Variants in RAPGEF4 observed in about 807,000 individuals in gnomAD.
RAPGEF4 encodes the protein RAP guanine-nucleotide-exchange factor (GEF) 4.
A neutral mutation model predicts 147.9 loss-of-function variants in RAPGEF4; 66 were observed. The observed-to-expected ratio is 0.45, with a 90% CI of 0.37 to 0.55. The LOEUF is 0.55. Ranked by LOEUF, RAPGEF4 falls within the 20% of genes least tolerant of loss-of-function variation. The probability of loss-of-function intolerance (pLI) is 0.00; values close to 1 mark genes in which losing one functional copy is unlikely to be tolerated. For synonymous variants in RAPGEF4, 419 were observed against 442.7 expected, an observed-to-expected ratio of 0.95 and a Z score of 0.67; for missense variants, 1,071 against 1,257.3, an observed-to-expected ratio of 0.85 and a Z score of 2.24.
chr2:172,918,499 G>T (rs960934815), intron 5 of RAPGEF4, among the ~76,000 whole-genome samples: 16 of 151,522 alleles, frequency 1.1e-4, no homozygotes, highest in African/African-American at 3.4e-4. Flanking sequence ...ACAATGTGTT[G>T]TACATATTAA....
intron 6 of RAPGEF4, among the ~76,000 whole-genome samples, chr2:172,942,439 G>A (rs1320201930): frequency 6.6e-6 from 1 of 151,608 alleles, no homozygotes; most frequent in African/African-American, 2.4e-5. Context: ...CCTAACGGAT[G>A]TCCACCTTTA....
chr2:172,794,538 C>T (rs1686182764), intron 1 of RAPGEF4, among the ~76,000 whole-genome samples: 1 of 152,148 alleles, frequency 6.6e-6, no homozygotes, highest in African/African-American at 2.4e-5. Flanking sequence ...TGATGCCCAC[C>T]ATTCCCTGGA....
chr2:172,982,764 A>G (rs2592944), intron 10 of RAPGEF4, among the ~76,000 whole-genome samples: 83,117 of 151,978 alleles, frequency 0.55, 24,051 homozygotes, highest in East Asian at 0.89. Context: ...GTTATTGGAT[A>G]CTAGTTTTAT....
At chr2:172,804,981 A>G (rs1687342380) in intron 3 of RAPGEF4, among the ~76,000 whole-genome samples, 1 of 152,152 alleles carries the variant, frequency 6.6e-6, no homozygotes, top group South Asian at 2.1e-4. Context: ...TGGCCATTGT[A>G]GGAGGCGTGA....
At chr2:172,976,533 CCACA>C (rs1691089638) in intron 10 of RAPGEF4, among the ~76,000 whole-genome samples, 1 of 152,098 alleles carries the variant, frequency 6.6e-6, no homozygotes, top group Non-Finnish European at 1.5e-5. Flanking sequence ...ATCCCCCACC[CCACA>C]CACACAAAAA....
At chr2:172,978,201 C>T (rs949823318) in intron 10 of RAPGEF4, among the ~76,000 whole-genome samples, 3 of 151,680 alleles carry the variant, frequency 2.0e-5, no homozygotes, top group Non-Finnish European at 4.4e-5. Context: ...TGGTCACACC[C>T]CCCCCAGAGC....
chr2:172,991,380 A>G (rs142388956), intron 15 of RAPGEF4, among the ~76,000 whole-genome samples: 14 of 152,318 alleles, frequency 9.2e-5, no homozygotes, highest in African/African-American at 3.4e-4. Flanking sequence ...CTTCCAATAT[A>G]AAACAGTCTA....
At chr2:172,905,339 C>T (rs1441330167) in intron 4 of RAPGEF4, among the ~76,000 whole-genome samples, 1 of 152,214 alleles carries the variant, frequency 6.6e-6, no homozygotes, top group East Asian at 1.9e-4. Flanking sequence ...CTCTGTCACC[C>T]CCCAGCAGGC....
At chr2:172,927,598 G>A (rs1001097813) in intron 6 of RAPGEF4, among the ~76,000 whole-genome samples, 8 of 151,732 alleles carry the variant, frequency 5.3e-5, no homozygotes, top group Non-Finnish European at 1.0e-4. Flanking sequence ...TCGTACCACT[G>A]CACTCCAGCC....
chr2:173,048,826 T>C (rs945374309), intron 30 of RAPGEF4, among the ~76,000 whole-genome samples, 172 bp downstream of exon 30: 1 of 152,210 alleles, frequency 6.6e-6, no homozygotes, highest in African/African-American at 2.4e-5. Flanking sequence ...TTTTTGCTGT[T>C]TTAAACTAGA....
At chr2:172,902,477 A>T (rs1179570922) in intron 4 of RAPGEF4, among the ~76,000 whole-genome samples, 1 of 151,632 alleles carries the variant, frequency 6.6e-6, no homozygotes, top group East Asian at 1.9e-4. Context: ...TAATTTTTGT[A>T]TTTTTTGTAG....
At chr2:172,814,648 G>GTTTGACA in intron 4 of RAPGEF4, 1 of 546,636 alleles carries the variant, frequency 1.8e-6, no homozygotes, top group South Asian at 2.0e-5. Flanking sequence ...ATTTTCTGTA[G>GTTTGACA]TTTGACATAC....
intron 6 of RAPGEF4, among the ~76,000 whole-genome samples, chr2:172,937,326 C>A (rs1215775239): frequency 6.6e-6 from 1 of 152,134 alleles, no homozygotes; most frequent in Admixed American, 6.6e-5. Flanking sequence ...CACATTCAGT[C>A]GCCATGTCTC....
intron 1 of RAPGEF4, among the ~76,000 whole-genome samples, chr2:172,792,502 C>T (rs1685922614): frequency 6.6e-6 from 1 of 152,184 alleles, no homozygotes; most frequent in African/African-American, 2.4e-5. Context: ...TTCCCTTCCT[C>T]TTCCCCAGGA....
intron 1 of RAPGEF4, among the ~76,000 whole-genome samples, chr2:172,749,092 G>A (rs1458629180): frequency 6.6e-6 from 1 of 152,224 alleles, no homozygotes; most frequent in Non-Finnish European, 1.5e-5. Flanking sequence ...TTTAGGGGCT[G>A]ATGTTGAGTG....
At chr2:172,954,660 A>T (rs967838389) in intron 6 of RAPGEF4, among the ~76,000 whole-genome samples, 2 of 152,206 alleles carry the variant, frequency 1.3e-5, no homozygotes, top group African/African-American at 4.8e-5. Context: ...CATTGATGAT[A>T]ACTATTACAA....
At chr2:172,967,592 G>T in intron 10 of RAPGEF4, 148 bp downstream of exon 10, 1 of 751,552 alleles carries the variant, frequency 1.3e-6, no homozygotes, top group Non-Finnish European at 2.0e-6. Flanking sequence ...CCACAGCAGT[G>T]CTTGTCTCTG....
At chr2:173,005,262 T>A (rs1259908448) in intron 17 of RAPGEF4, among the ~76,000 whole-genome samples, 1 of 152,200 alleles carries the variant, frequency 6.6e-6, no homozygotes, top group Admixed American at 6.5e-5. Context: ...TTCTGATGTG[T>A]ATTCCCAAAT....
chr2:172,789,486 T>C (rs1409988449), intron 1 of RAPGEF4, among the ~76,000 whole-genome samples: 1 of 152,206 alleles, frequency 6.6e-6, no homozygotes, highest in East Asian at 1.9e-4. Flanking sequence ...TACTATGAGA[T>C]CTACCCTCTG....
Sources: gnomAD v4.1 joint callset for allele counts (sites outside exome capture counted in the v4.1 genomes callset) on GRCh38, gnomAD v4.1.1 for gene constraint, MANE v1.5 for transcripts, NCBI Gene and HGNC (gene_info 2026-07-23, HGNC 2026-07-21) for gene names.